The following EYS variants were observed in gnomAD, a reference collection of about 807,000 sequenced individuals.
The protein encoded by EYS is protein eyes shut homolog.
EYS carries 250 observed loss-of-function variants against 282.1 expected under a neutral mutation model. The observed-to-expected ratio is 0.89, with a 90% CI of 0.80 to 0.98. EYS has a LOEUF of 0.98. Ranked by LOEUF, EYS falls within the 50% of genes least tolerant of loss-of-function variation. The probability of loss-of-function intolerance (pLI) is 0.00; values close to 1 mark genes in which losing one functional copy is unlikely to be tolerated. For synonymous variants in EYS, 1,355 were observed against 1,282.9 expected, an observed-to-expected ratio of 1.06 and a Z score of -1.20; for missense variants, 4,016 against 3,709.0, an observed-to-expected ratio of 1.08 and a Z score of -2.15.
intron 35 of EYS, among the ~76,000 whole-genome samples, chr6:63,884,491 G>A (rs568294699): frequency 1.3e-5 from 2 of 152,134 alleles, no homozygotes; most frequent in African/African-American, 4.8e-5. Context: ...GATTTGGGTT[G>A]TGGTTACATG....
rs75797587 is a variant in EYS at position 64,499,265 on chromosome 6, C to A, written c.5645-59913G>T. Among the ~76,000 whole-genome samples the A allele has an allele frequency of 4.0e-3, 604 of 152,314 alleles. 3 individuals are homozygous for A. The highest frequency in any genetic ancestry group is 0.014 in the African/African-American group (571 of 41,568). ...TAGCTAACTTTATTTCCCAAAACTC[C>A]TCCCACCAAATCTGCTCTCCAAACA... On this transcript the variant is annotated intron_variant, in intron 26 of 42. Transcript: ENST00000503581.
intron 18 of EYS, among the ~76,000 whole-genome samples, chr6:64,895,696 T>G (rs1767438427): frequency 6.6e-6 from 1 of 152,138 alleles, no homozygotes; most frequent in Non-Finnish European, 1.5e-5. Context: ...GATCAGTGAG[T>G]GAAAGATGAA....
chr6:64,399,281 T>C (rs990417599), intron 28 of EYS, among the ~76,000 whole-genome samples: 2 of 151,728 alleles, frequency 1.3e-5, no homozygotes, highest in Non-Finnish European at 3.0e-5. Context: ...TAAAATTTTA[T>C]AAAAATAAAC....
Position 65,618,856 on chromosome 6 carries a change from C to T in EYS, c.-333+20922G>A, listed in dbSNP as rs201757011. ...TTTCTCAGGTTTGTCAAAGATCAGA[C>T]AGTTGTAGATATGCGGCATTATTTC... On this transcript the variant is annotated intron_variant, in intron 2 of 42. Transcript: ENST00000503581. Among the ~76,000 whole-genome samples, 37 of 151,988 alleles carry T rather than the reference C, an allele frequency of 2.4e-4. 1 individual carries two copies. The highest frequency in any genetic ancestry group is 5.9e-4 in the Admixed American group (9 of 15,254).
At chr6:64,699,776 A>AGTTTTT (rs1334335495) in intron 22 of EYS, among the ~76,000 whole-genome samples, 1 of 152,000 alleles carries the variant, frequency 6.6e-6, no homozygotes, top group South Asian at 2.1e-4. Context: ...ACAAAGAAAA[A>AGTTTTT]CTGGTACCAA....
At chr6:64,003,660 G>A (rs1258554225) in intron 33 of EYS, among the ~76,000 whole-genome samples, 1 of 151,950 alleles carries the variant, frequency 6.6e-6, no homozygotes, top group Non-Finnish European at 1.5e-5. Flanking sequence ...ATTGCTTTTT[G>A]GTATTCTCTG....
chr6:64,978,217 T>C (rs1770535592), intron 14 of EYS, among the ~76,000 whole-genome samples: 1 of 151,850 alleles, frequency 6.6e-6, no homozygotes, highest in Non-Finnish European at 1.5e-5. Flanking sequence ...GATGATGCAA[T>C]TTGTGACTTG....
chr6:65,470,021 T>A (rs548428994), intron 5 of EYS, among the ~76,000 whole-genome samples: 1 of 152,300 alleles, frequency 6.6e-6, no homozygotes, highest in South Asian at 2.1e-4. Context: ...AATAATACTT[T>A]CTCAGGAAAA....
chr6:65,374,023 G>T (rs955551983), intron 8 of EYS, among the ~76,000 whole-genome samples: 1 of 152,112 alleles, frequency 6.6e-6, no homozygotes, highest in Admixed American at 6.5e-5. Flanking sequence ...AATATCAAAT[G>T]ATATCTTCAT....
chr6:65,612,254 T>A (rs1272940160), intron 2 of EYS, among the ~76,000 whole-genome samples: 1 of 150,992 alleles, frequency 6.6e-6, no homozygotes, highest in African/African-American at 2.4e-5. Flanking sequence ...ATATATTTAT[T>A]ATGTATGACA....
chr6:64,907,767 T>C (rs1478421824), intron 16 of EYS, among the ~76,000 whole-genome samples: 2 of 152,086 alleles, frequency 1.3e-5, no homozygotes, highest in East Asian at 3.9e-4. Flanking sequence ...TGCCCAGACA[T>C]AGGTAAATCA....
At chr6:65,082,769 T>C (rs1426205633) in intron 12 of EYS, among the ~76,000 whole-genome samples, 1 of 151,674 alleles carries the variant, frequency 6.6e-6, no homozygotes, top group African/African-American at 2.4e-5. Flanking sequence ...TGTTTTGATA[T>C]ATTATATTAA....
chr6:64,878,952 G>A (rs1766834341), intron 19 of EYS, among the ~76,000 whole-genome samples: 1 of 151,984 alleles, frequency 6.6e-6, no homozygotes, highest in Non-Finnish European at 1.5e-5. Flanking sequence ...AAACTGCATT[G>A]ATATTTTACT....
chr6:65,335,489 T>C (rs1368927910), intron 10 of EYS, among the ~76,000 whole-genome samples: 1 of 151,744 alleles, frequency 6.6e-6, no homozygotes, highest in Admixed American at 6.6e-5. Flanking sequence ...GATAAGCAAT[T>C]GTAGGCCTCA....
At chr6:65,018,464 A>G (rs2150137039) in intron 13 of EYS, among the ~76,000 whole-genome samples, 1 of 152,338 alleles carries the variant, frequency 6.6e-6, no homozygotes, top group East Asian at 1.9e-4. Flanking sequence ...TAAGGACACC[A>G]GTTATATTGG....
At chr6:64,072,685 C>T (rs1285432475) in intron 32 of EYS, among the ~76,000 whole-genome samples, 3 of 151,926 alleles carry the variant, frequency 2.0e-5, no homozygotes, top group East Asian at 1.9e-4. Context: ...TCATTTTGTG[C>T]GTGGGGAGGG....
At chr6:63,947,480 G>A (rs1765433241) in intron 35 of EYS, among the ~76,000 whole-genome samples, 1 of 151,898 alleles carries the variant, frequency 6.6e-6, no homozygotes, top group South Asian at 2.1e-4. Context: ...GCTGGATTTT[G>A]ATTGAATTAT....
At chr6:64,189,459 A>G (rs1203221764) in intron 31 of EYS, among the ~76,000 whole-genome samples, 3 of 152,258 alleles carry the variant, frequency 2.0e-5, no homozygotes, top group Admixed American at 6.5e-5. Flanking sequence ...ATTCATTTAC[A>G]TATTGCCCAT....
intron 29 of EYS, among the ~76,000 whole-genome samples, chr6:64,349,445 GA>G (rs1771533759): frequency 1.2e-5 from 1 of 81,442 alleles, no homozygotes; most frequent in Admixed American, 1.2e-4. Context: ...CATAAATTAA[GA>G]TGCAAAAAAT....
Sources: gnomAD v4.1 joint callset for allele counts (sites outside exome capture counted in the v4.1 genomes callset) on GRCh38, gnomAD v4.1.1 for gene constraint, MANE v1.5 for transcripts, NCBI Gene and HGNC (gene_info 2026-07-23, HGNC 2026-07-21) for gene names.